MANEA: variants seen among roughly 807,000 people sequenced by gnomAD.
MANEA encodes glycoprotein endo-alpha-1,2-mannosidase.
A neutral mutation model predicts 36.8 loss-of-function variants in MANEA; 25 were observed. The observed-to-expected ratio is 0.68, with a 90% CI of 0.50 to 0.95. The LOEUF (loss-of-function observed/expected upper bound fraction) is 0.95. Ranked by LOEUF, MANEA falls within the 40% of genes least tolerant of loss-of-function variation. The probability of loss-of-function intolerance (pLI) is 0.00; values close to 1 mark genes in which losing one functional copy is unlikely to be tolerated. For synonymous variants in MANEA, 198 were observed against 188.5 expected (o/e 1.05, Z -0.41); for missense variants, 565 against 558.8 (o/e 1.01, Z -0.11).
At chr6:95,604,394 A>G (rs1437533252) in intron 3 of MANEA, among the ~76,000 whole-genome samples, 1 of 151,906 alleles carries the variant, frequency 6.6e-6, no homozygotes, top group East Asian at 1.9e-4. Context: ...AGTATTTCCT[A>G]TATATATTAT....
chr6:95,600,974 A>T (rs1227033841), intron 3 of MANEA, among the ~76,000 whole-genome samples: 1 of 152,210 alleles, frequency 6.6e-6, no homozygotes, highest in Non-Finnish European at 1.5e-5. Context: ...TAAATTATAA[A>T]CAAACATGCA....
chr6:95,587,722 A>G (rs6904857), intron 2 of MANEA, among the ~76,000 whole-genome samples: 90,651 of 151,826 alleles, frequency 0.6, 27,472 homozygotes, highest in East Asian at 0.87. Context: ...CATGTAATTT[A>G]GTCCTGCTTT....
intron 2 of MANEA, 89 bp downstream of exon 2, chr6:95,587,072 CATTATT>C (rs751528834): frequency 7.7e-6 from 6 of 779,312 alleles, no homozygotes; most frequent in Middle Eastern, 3.3e-4. Context: ...TTAATTTTCT[CATTATT>C]ATTAATTATA....
chr6:95,588,813 T>C (rs1016139941), intron 2 of MANEA, among the ~76,000 whole-genome samples: 12 of 151,494 alleles, frequency 7.9e-5, no homozygotes, highest in African/African-American at 2.9e-4. Flanking sequence ...AAATAATATA[T>C]GTGGTAAATA....
intron 2 of MANEA, 85 bp downstream of exon 2, chr6:95,587,068 T>G (rs1405615958): frequency 1.3e-6 from 1 of 791,852 alleles, no homozygotes. Context: ...CTAGTTAATT[T>G]TCTCATTATT....
Position 95,607,853 on chromosome 6 carries a change from C to T in MANEA, c.*1448C>T, listed in dbSNP as rs753514019. 12 of 151,404 alleles carry T rather than the reference C, an allele frequency of 7.9e-5. No homozygotes were observed. Among genetic ancestry groups the T allele is most frequent in the Non-Finnish European group, 1.8e-4 (12 of 67,668 alleles). 9.4% of individuals were successfully genotyped at this position (151,404 alleles called of 1,614,324 possible). ...ATAGAATAATGCTAAAAAATAATGC[C>T]TATAAATCTTCAGAGTATAAAGACA... On this transcript the variant is annotated 3_prime_UTR_variant, in exon 5 of 5. Coordinates refer to ENST00000358812, the MANE Select transcript of MANEA (RefSeq NM_024641.4).
At chr6:95,590,450 T>C (rs1295650610) in intron 2 of MANEA, among the ~76,000 whole-genome samples, 1 of 152,322 alleles carries the variant, frequency 6.6e-6, no homozygotes, top group South Asian at 2.1e-4. Context: ...CATTAGAATA[T>C]TTCCTGAAAG....
intron 2 of MANEA, chr6:95,590,023 A>G (rs9400893): frequency 0.6 from 90,636 of 151,852 alleles, 27,464 homozygotes; most frequent in East Asian, 0.87. Flanking sequence ...TTCATGAGCC[A>G]AAGAATGTGG....
chr6:95,601,883 A>G (rs776968920), intron 3 of MANEA, among the ~76,000 whole-genome samples: 19 of 152,178 alleles, frequency 1.2e-4, no homozygotes, highest in South Asian at 4.1e-4. Flanking sequence ...AGGTTTATCA[A>G]CATCCATTAT....
Position 95,594,933 on chromosome 6 carries a change from C to G in MANEA, c.545-1804C>G, listed in dbSNP as rs140346354. On this transcript the variant is annotated intron_variant, in intron 2 of 4. Coordinates refer to ENST00000358812, the MANE Select transcript of MANEA (RefSeq NM_024641.4). ...TGGCCAGGACATTTCTTACTCTCTT[C>G]AGCTCTTTAAGACATTTTCTCCCCG... Among the ~76,000 whole-genome samples the G allele has an allele frequency of 1.8e-4, 28 of 152,232 alleles. 1 individual carries two copies. The highest frequency in any genetic ancestry group is 6.0e-4 in the African/African-American group (25 of 41,562).
chr6:95,578,632 A>AG (rs980177946), intron 1 of MANEA, among the ~76,000 whole-genome samples: 27 of 152,202 alleles, frequency 1.8e-4, no homozygotes, highest in Non-Finnish European at 3.5e-4. Context: ...GGCTCAATGC[A>AG]GAAAAACACC....
chr6:95,589,789 A>C (rs1488938962), intron 2 of MANEA, among the ~76,000 whole-genome samples: 1 of 152,120 alleles, frequency 6.6e-6, no homozygotes, highest in African/African-American at 2.4e-5. Context: ...CGTAATTCCC[A>C]CAATCTGTGA....
chr6:95,582,225 C>A lies in MANEA; in HGVS notation c.-38-4177C>A, dbSNP rs145339497. On this transcript the variant is annotated intron_variant, in intron 1 of 4. Transcript: ENST00000358812. ...TTGAGACGGAGTCTTGCTCTGTCGC[C>A]GAGGCTGGAGTGCAGTGGCGCGATC... Among the ~76,000 whole-genome samples the A allele has an allele frequency of 2.3e-4, 33 of 142,570 alleles. 1 individual carries two copies. The East Asian group carries it at 4.9e-3, about 21-fold the overall frequency. The allele number at this position is 142,570 out of a possible 152,430, so 93.5% of individuals were successfully genotyped here. A position where few individuals can be genotyped will look rare whatever the true frequency, so the allele number is the denominator to read the frequency against.
Position 95,586,641 on chromosome 6 carries a change from A to G in MANEA, c.202A>G (p.Asn68Asp), listed in dbSNP as rs147508899. Residue 68 changes from asparagine to aspartate, a missense_variant, in exon 2 of 5, where the codon AAC (asparagine) becomes GAC (aspartate). Transcript: ENST00000358812. The stretch of plus-strand genomic sequence containing the variant: ...TGATTTCCAAAAGAGTGACAGAATC[A>G]ACAGTGAAACAAATACCAAGAATTT... ...NFDFQKSDRI[N>D]SETNTKNLKS... 21 of 1,613,932 alleles carry G rather than the reference A, an allele frequency of 1.3e-5. 1 individual carries two copies. The highest frequency in any genetic ancestry group is 1.8e-5 in the Non-Finnish European group (21 of 1,180,002).
chr6:95,585,943 G>A (rs370999384), intron 1 of MANEA, among the ~76,000 whole-genome samples: 4 of 152,096 alleles, frequency 2.6e-5, no homozygotes, highest in South Asian at 2.1e-4. Flanking sequence ...CAGGAGGATC[G>A]CTTGAGCCCA....
chr6:95,606,046 T>C lies in MANEA; in HGVS notation c.1030T>C (p.Phe344Leu). ...TCAGAATTGGGCTAGCCTAAAATTA[T>C]TTTGTGATAAATACAACTTAATATT... is the stretch of plus-strand genomic sequence containing the variant. Reference protein sequence around the residue: ...SHQNWASLKLFCDKYNLIFIP... With the variant: ...SHQNWASLKLLCDKYNLIFIP... Residue 344 changes from phenylalanine to leucine, a missense_variant, in exon 5 of 5, where the codon TTT (phenylalanine) becomes CTT (leucine). Transcript: ENST00000358812. 2 of 1,614,024 alleles carry C rather than the reference T, an allele frequency of 1.2e-6. No individual in the cohort carries two copies. The highest frequency in any genetic ancestry group is 1.7e-6 in the Non-Finnish European group (2 of 1,179,950).
At chr6:95,583,604 T>C (rs941581432) in intron 1 of MANEA, among the ~76,000 whole-genome samples, 2 of 152,078 alleles carry the variant, frequency 1.3e-5, no homozygotes, top group Admixed American at 1.3e-4. Context: ...GATATGCTTG[T>C]GTGCGGTGGG....
At chr6:95,587,365 T>C (rs1251181152) in intron 2 of MANEA, 1 of 192,934 alleles carries the variant, frequency 5.2e-6, no homozygotes, top group African/African-American at 2.4e-5. Flanking sequence ...AAGTAAAATA[T>C]TTCTATAGCC....
intron 3 of MANEA, among the ~76,000 whole-genome samples, chr6:95,601,513 CAG>C (rs1769589226): frequency 6.6e-6 from 1 of 152,050 alleles, no homozygotes; most frequent in Non-Finnish European, 1.5e-5. Flanking sequence ...GCCTAGGACT[CAG>C]AATGACAGAC....
Sources: allele counts gnomAD v4.1 joint callset (sites outside exome capture counted in the v4.1 genomes callset), GRCh38; gene constraint gnomAD v4.1.1; transcripts MANE v1.5; gene names NCBI Gene and HGNC (gene_info 2026-07-23, HGNC 2026-07-21).